Variants in ARHGEF4 observed in about 807,000 individuals in gnomAD.
The protein encoded by ARHGEF4 is APC-stimulated guanine nucleotide exchange factor 1.
ARHGEF4 carries 119 observed loss-of-function variants against 162.0 expected under a neutral mutation model. That is an observed-to-expected ratio of 0.73 (90% CI 0.63 to 0.86). ARHGEF4 has a LOEUF of 0.86. Ranked by LOEUF, ARHGEF4 falls within the 40% of genes least tolerant of loss-of-function variation. ARHGEF4 has a pLI of 0.00. For missense variants in ARHGEF4, 2,488 were observed against 2,456.0 expected (o/e 1.01, Z -0.28); for synonymous variants, 1,014 against 979.9 (o/e 1.03, Z -0.65).
At chr2:130,938,272 T>G (rs1683084193) in intron 3 of ARHGEF4, among the ~76,000 whole-genome samples, 1 of 152,236 alleles carries the variant, frequency 6.6e-6, no homozygotes. Context: ...GGCTGTACCA[T>G]TTTACATTCC....
At chr2:130,867,105 T>A (rs1682331248) in intron 1 of ARHGEF4, among the ~76,000 whole-genome samples, 1 of 152,178 alleles carries the variant, frequency 6.6e-6, no homozygotes, top group African/African-American at 2.4e-5. Context: ...TCTGTACCCT[T>A]GTGTCTTTCA....
intron 2 of ARHGEF4, among the ~76,000 whole-genome samples, chr2:130,921,111 G>A (rs767615111): frequency 3.3e-5 from 5 of 152,028 alleles, no homozygotes; most frequent in African/African-American, 7.3e-5. Context: ...TGGGTGTGGG[G>A]GTGGCCTGTT....
intron 1 of ARHGEF4, among the ~76,000 whole-genome samples, chr2:130,891,821 G>A (rs531709889): frequency 1.2e-3 from 184 of 152,196 alleles, no homozygotes; most frequent in African/African-American, 4.0e-3. Context: ...GGGTACTGGG[G>A]CTTTGACACA....
In ARHGEF4 at chr2:130,914,983, A is replaced by C. The variant is rs1231903152; in HGVS notation, c.1037A>C (p.Glu346Ala). 6.4e-7 allele frequency: 1 copy of C among 1,550,572 alleles called. No homozygotes were observed. Among genetic ancestry groups the C allele is most frequent in the South Asian group, 1.2e-5 (1 of 84,054 alleles). The change falls in exon 2 of 14, where the codon GAG becomes GCG. Residue 346 changes from glutamate (E) to alanine (A), a missense_variant. Glu to Ala is a moderately radical substitution (Grantham distance 107). Around this residue, in one of 6 missense-constraint regions of ARHGEF4, gnomAD observed 1,642 missense variants for 1,481.5 expected, o/e 1.11. Transcript: ENST00000409359. ...CATTCCATAGCAGGGTTTTCACCAG[A>C]GTGCCCCGAGGATCCCGTGGGACAG... ...RAHSIAGFSPECPEDPVGQNV... is the reference protein window; with the variant it reads ...RAHSIAGFSPACPEDPVGQNV...
At chr2:131,021,507 G>T (rs1170208237) in intron 4 of ARHGEF4, among the ~76,000 whole-genome samples, 1 of 152,114 alleles carries the variant, frequency 6.6e-6, no homozygotes, top group East Asian at 1.9e-4. Context: ...TTAAATGTTA[G>T]ACTTAAAACC....
At chr2:130,958,508 C>T (rs943806062) in intron 4 of ARHGEF4, among the ~76,000 whole-genome samples, 6 of 151,924 alleles carry the variant, frequency 3.9e-5, no homozygotes, top group Admixed American at 2.0e-4. Context: ...CCCCCCGATC[C>T]GAGCGATTCT....
intron 1 of ARHGEF4, among the ~76,000 whole-genome samples, chr2:130,841,057 T>G (rs1281353226): frequency 6.6e-6 from 1 of 152,146 alleles, no homozygotes; most frequent in Non-Finnish European, 1.5e-5. Context: ...CAGACCTAGT[T>G]TTAAAAAGTG....
chr2:130,932,753 A>G (rs539397253), intron 3 of ARHGEF4, among the ~76,000 whole-genome samples: 197 of 152,058 alleles, frequency 1.3e-3, no homozygotes, highest in Non-Finnish European at 2.4e-3. Context: ...AGAGTTTTAT[A>G]CCTTTCGCTT....
At position 131,015,994 on chromosome 2, in the gene ARHGEF4, C is replaced by G. The variant is rs149147788; in HGVS notation, c.3986-11951C>G. ...CCTGCCGTTTTGCCCGGGCAGGGAC[C>G]ACATGCATGCCAGGGCTCCCCGGGA... is the stretch of plus-strand genomic sequence containing the variant. On this transcript the variant is annotated intron_variant, in intron 4 of 13. Transcript: ENST00000409359. 2.5e-3 allele frequency among the ~76,000 whole-genome samples: 380 copies of G among 152,284 alleles called. 1 individual carries two copies. Among genetic ancestry groups the G allele is most frequent in the Non-Finnish European group, 4.1e-3 (278 of 68,008 alleles).
chr2:131,020,436 G>A (rs9798013), intron 4 of ARHGEF4, among the ~76,000 whole-genome samples: 100,606 of 131,874 alleles, frequency 0.76, 39,138 homozygotes, highest in Non-Finnish European at 0.88. Context: ...GAGAATATGC[G>A]GTGTTCGGTT....
At chr2:130,982,617 CTTCTTTTCT>C (rs1686201946) in intron 4 of ARHGEF4, among the ~76,000 whole-genome samples, 1 of 29,390 alleles carries the variant, frequency 3.4e-5, no homozygotes, top group South Asian at 1.1e-3. Context: ...CTCCTCCTTT[CTTCTTTTCT>C]TTCTTACCAT....
In ARHGEF4 at chr2:130,917,010, C is replaced by T; in HGVS notation, c.3064C>T (p.His1022Tyr). ...GTCCTCCAGTTTAGTTTCTCCAGAA[C>T]ACAGGAGGAAAAGTGAACCGACCAT... The part of the protein sequence containing the change: ...PLSSSLVSPE[H>Y]RRKSEPTIKC... The change falls in exon 2 of 14, where the codon CAC (histidine) becomes TAC (tyrosine). Residue 1022 changes from histidine (H) to tyrosine (Y), a missense_variant. By Grantham distance (83) the His-to-Tyr change is moderately conservative (BLOSUM62 2). Coordinates refer to ENST00000409359, the MANE Select transcript of ARHGEF4 (RefSeq NM_001367493.1). 1 of 1,550,976 alleles carries T rather than the reference C, an allele frequency of 6.4e-7. No individual in the cohort carries two copies. The highest frequency in any genetic ancestry group is 1.2e-5 in the South Asian group (1 of 84,070).
intron 4 of ARHGEF4, among the ~76,000 whole-genome samples, chr2:131,009,351 T>C (rs1335222301): frequency 6.6e-6 from 1 of 152,170 alleles, no homozygotes; most frequent in African/African-American, 2.4e-5. Context: ...AAGGTCTGTC[T>C]TGTTATGTTT....
At chr2:130,917,919 T>C (rs531537860) in intron 2 of ARHGEF4, among the ~76,000 whole-genome samples, 3 of 150,888 alleles carry the variant, frequency 2.0e-5, no homozygotes, top group African/African-American at 7.3e-5. Context: ...GCCTCCCGGA[T>C]TCAGGCAATT....
chr2:130,971,707 C>T (rs1191223992), intron 4 of ARHGEF4, among the ~76,000 whole-genome samples: 3 of 150,740 alleles, frequency 2.0e-5, no homozygotes, highest in Non-Finnish European at 4.4e-5. Context: ...ACAGAATATC[C>T]TCTTGAGTTT....
At position 130,875,150 on chromosome 2, in the gene ARHGEF4, G is replaced by A. The variant is rs186290056; in HGVS notation, c.39+38158G>A. Among the ~76,000 whole-genome samples the A allele has an allele frequency of 3.9e-5, 6 of 152,134 alleles. No individual in the cohort carries two copies. In the East Asian group the frequency reaches 1.2e-3, roughly 29 times the overall value. ...CCTTTGTATTCTTTTTCTCTCATGAGCTCTATTTCTTCTGTCTTGTGGCTG... is the reference window on the plus strand; with the variant it reads ...CCTTTGTATTCTTTTTCTCTCATGAACTCTATTTCTTCTGTCTTGTGGCTG... On this transcript the variant is annotated intron_variant, in intron 1 of 13. Transcript: ENST00000409359.
chr2:130,872,103 G>C (rs1678526457), intron 1 of ARHGEF4, among the ~76,000 whole-genome samples: 1 of 152,234 alleles, frequency 6.6e-6, no homozygotes, highest in Non-Finnish European at 1.5e-5. Flanking sequence ...GGAATAAACT[G>C]TTAGCTCCTT....
chr2:131,035,936 G>A, intron 5 of ARHGEF4: 1 of 875,338 alleles, frequency 1.1e-6, no homozygotes, highest in Non-Finnish European at 1.4e-6. Flanking sequence ...AACCTCAGAG[G>A]CACAGGAGGG....
chr2:130,961,599 A>C (rs1684624191), intron 4 of ARHGEF4, among the ~76,000 whole-genome samples: 1 of 152,194 alleles, frequency 6.6e-6, no homozygotes, highest in African/African-American at 2.4e-5. Context: ...ATGATGCAGG[A>C]AACGAGCAAG....
Sources: gnomAD v4.1 joint callset for allele counts (sites outside exome capture counted in the v4.1 genomes callset) on GRCh38, gnomAD v4.1.1 for gene constraint, gnomAD v4.1.1 regional missense constraint, MANE v1.5 for transcripts, NCBI Gene and HGNC (gene_info 2026-07-23, HGNC 2026-07-21) for gene names.